Variants in MB21D2 observed in about 807,000 individuals in gnomAD.
MB21D2 encodes nucleotidyltransferase MB21D2.
A neutral mutation model predicts 33.3 loss-of-function variants in MB21D2; 9 were observed. The ratio of observed to expected loss-of-function variants is 0.27; its 90% CI spans 0.16 to 0.47. The LOEUF (loss-of-function observed/expected upper bound fraction) is 0.47, where lower values mean the gene tolerates loss of function less well. Among genes scored for constraint, MB21D2 ranks in the 20% least tolerant of loss-of-function variants. The pLI is 0.99. For synonymous variants in MB21D2, 241 were observed against 236.3 expected, an observed-to-expected ratio of 1.02 and a Z score of -0.18; for missense variants, 540 against 624.6, an observed-to-expected ratio of 0.86 and a Z score of 1.44.
intron 1 of MB21D2, among the ~76,000 whole-genome samples, chr3:192,904,013 C>T (rs1714155165): frequency 1.3e-5 from 2 of 152,188 alleles, no homozygotes; most frequent in Admixed American, 1.3e-4. Context: ...TTACCAGTCT[C>T]AGGGATGTCT....
intron 1 of MB21D2, among the ~76,000 whole-genome samples, chr3:192,880,462 A>G (rs952990501): frequency 2.6e-5 from 4 of 152,092 alleles, no homozygotes; most frequent in African/African-American, 9.7e-5. Flanking sequence ...CTTTTAAAGG[A>G]AGGAGGAGGA....
intron 1 of MB21D2, among the ~76,000 whole-genome samples, chr3:192,891,458 C>A (rs902639455): frequency 6.6e-6 from 1 of 152,116 alleles, no homozygotes; most frequent in Non-Finnish European, 1.5e-5. Context: ...TTTGCTGTTT[C>A]CAAGCTGGTA....
At chr3:192,886,046 C>T (rs890244163) in intron 1 of MB21D2, among the ~76,000 whole-genome samples, 3 of 152,044 alleles carry the variant, frequency 2.0e-5, no homozygotes, top group East Asian at 3.9e-4. Context: ...CTGCAACCTC[C>T]GCCTCCCGGG....
chr3:192,852,325 C>T (rs1389848282), intron 1 of MB21D2, among the ~76,000 whole-genome samples: 1 of 152,114 alleles, frequency 6.6e-6, no homozygotes, highest in African/African-American at 2.4e-5. Flanking sequence ...GGTTGTGAGG[C>T]GAAAGAAAGC....
At chr3:192,906,489 AG>A (rs767197325) in intron 1 of MB21D2, among the ~76,000 whole-genome samples, 1 of 152,114 alleles carries the variant, frequency 6.6e-6, no homozygotes, top group African/African-American at 2.4e-5. Flanking sequence ...CCCTCACCTC[AG>A]GGCCTTTACA....
intron 1 of MB21D2, among the ~76,000 whole-genome samples, chr3:192,857,745 A>C (rs965408477): frequency 1.3e-5 from 2 of 152,192 alleles, no homozygotes; most frequent in South Asian, 4.1e-4. Flanking sequence ...AGACCATCTC[A>C]TCTGTGACAT....
chr3:192,878,970 A>G (rs541831025), intron 1 of MB21D2, among the ~76,000 whole-genome samples: 4 of 152,292 alleles, frequency 2.6e-5, no homozygotes, highest in East Asian at 3.9e-4. Context: ...TCTCTCAAAA[A>G]AAGAAGAAGA....
intron 1 of MB21D2, among the ~76,000 whole-genome samples, chr3:192,884,160 G>C (rs966989162): frequency 1.3e-5 from 2 of 151,994 alleles, no homozygotes; most frequent in African/African-American, 4.8e-5. Flanking sequence ...GTGTTGACGT[G>C]GTGATGTAAA....
At chr3:192,858,593 T>C (rs1712970200) in intron 1 of MB21D2, among the ~76,000 whole-genome samples, 1 of 152,206 alleles carries the variant, frequency 6.6e-6, no homozygotes, top group Admixed American at 6.5e-5. Flanking sequence ...GCATTTCTAG[T>C]ATTTAATACT....
chr3:192,852,047 G>A (rs1420255684), intron 1 of MB21D2, among the ~76,000 whole-genome samples: 1 of 152,222 alleles, frequency 6.6e-6, no homozygotes, highest in African/African-American at 2.4e-5. Flanking sequence ...CAGGCATCTG[G>A]AGTCGTGCCA....
At chr3:192,895,400 C>T (rs1010905503) in intron 1 of MB21D2, among the ~76,000 whole-genome samples, 1 of 152,100 alleles carries the variant, frequency 6.6e-6, no homozygotes, top group Non-Finnish European at 1.5e-5. Context: ...TATAAGCATC[C>T]GTTTGAAACC....
chr3:192,816,124 T>G (rs935924903), intron 1 of MB21D2, among the ~76,000 whole-genome samples: 1 of 152,256 alleles, frequency 6.6e-6, no homozygotes, highest in Non-Finnish European at 1.5e-5. Flanking sequence ...CGACGACAGA[T>G]TAAATGCAGA....
chr3:192,917,643 G>T lies in MB21D2; in HGVS notation c.198C>A (p.Ile66=). Reference sequence around the variant, plus strand: ...TTTCCTCCTTACCCAGCATGGAAAAGATGAAATCCTTGGCTGTGTGAATCT... The same window carrying T: ...TTTCCTCCTTACCCAGCATGGAAAATATGAAATCCTTGGCTGTGTGAATCT... ...ALEIHTAKDF[I]FSMLGMVQKL... Residue 66 remains isoleucine (I), a synonymous_variant, in exon 1 of 2, where the codon ATC becomes ATA. Transcript: ENST00000392452. 1.2e-6 allele frequency: 2 copies of T among 1,614,116 alleles called. No individual in the cohort carries two copies. The highest frequency in any genetic ancestry group is 1.7e-6 in the Non-Finnish European group (2 of 1,180,020).
At chr3:192,889,438 G>C (rs1287145797) in intron 1 of MB21D2, among the ~76,000 whole-genome samples, 1 of 152,076 alleles carries the variant, frequency 6.6e-6, no homozygotes, top group Non-Finnish European at 1.5e-5. Context: ...GATTTGCTCT[G>C]AAGCTCTAAC....
intron 1 of MB21D2, among the ~76,000 whole-genome samples, chr3:192,902,961 CAG>C (rs1456087162): frequency 6.6e-6 from 1 of 152,156 alleles, no homozygotes; most frequent in Non-Finnish European, 1.5e-5. Flanking sequence ...GGAAAGAAAC[CAG>C]AGAGAAAGAG....
chr3:192,824,244 A>G (rs1430814595), intron 1 of MB21D2, among the ~76,000 whole-genome samples: 1 of 152,224 alleles, frequency 6.6e-6, no homozygotes. Flanking sequence ...GGATCAAAGA[A>G]AAAATAAATT....
At chr3:192,860,327 T>C (rs903564088) in intron 1 of MB21D2, among the ~76,000 whole-genome samples, 41 of 152,250 alleles carry the variant, frequency 2.7e-4, no homozygotes, top group Admixed American at 1.1e-3. Flanking sequence ...GACCCTGATG[T>C]AGAAGGCTGT....
chr3:192,863,117 T>A (rs1229278379), intron 1 of MB21D2, among the ~76,000 whole-genome samples: 2 of 152,080 alleles, frequency 1.3e-5, no homozygotes, highest in Non-Finnish European at 2.9e-5. Flanking sequence ...ACCATAGCAA[T>A]CATTATAGAG....
chr3:192,900,893 A>C (rs1364972954), intron 1 of MB21D2, among the ~76,000 whole-genome samples: 1 of 151,464 alleles, frequency 6.6e-6, no homozygotes, highest in Non-Finnish European at 1.5e-5. Context: ...GTGAGCTGAG[A>C]TCGCGCCACT....
Sources: gnomAD v4.1 joint callset for allele counts (sites outside exome capture counted in the v4.1 genomes callset) on GRCh38, gnomAD v4.1.1 for gene constraint, MANE v1.5 for transcripts, NCBI Gene and HGNC (gene_info 2026-07-23, HGNC 2026-07-21) for gene names.